CAMK1D: variants seen among roughly 807,000 people sequenced by gnomAD.
CAMK1D encodes the protein calcium/calmodulin dependent protein kinase ID, also known as calcium/calmodulin-dependent protein kinase type 1D.
CAMK1D carries 9 observed loss-of-function variants against 47.7 expected under a neutral mutation model. The observed-to-expected ratio is 0.19, with a 90% CI of 0.11 to 0.33. CAMK1D has a LOEUF of 0.33. Ranked by LOEUF, CAMK1D falls within the 10% of genes least tolerant of loss-of-function variation. The pLI is 1.00. For synonymous variants in CAMK1D, 184 were observed against 184.9 expected (o/e 0.99, Z 0.04); for missense variants, 291 against 488.7 (o/e 0.60, Z 3.81).
At chr10:12,796,404 C>G (rs772892135) in intron 6 of CAMK1D, among the ~76,000 whole-genome samples, 1 of 152,130 alleles carries the variant, frequency 6.6e-6, no homozygotes, top group Non-Finnish European at 1.5e-5. Context: ...ACATAAATGT[C>G]GATTTGCCTG....
intron 3 of CAMK1D, among the ~76,000 whole-genome samples, chr10:12,718,325 C>T (rs1834236003): frequency 6.6e-6 from 1 of 152,122 alleles, no homozygotes; most frequent in African/African-American, 2.4e-5. Flanking sequence ...CCAGAATTAC[C>T]ACTCACCTTG....
chr10:12,430,896 T>A (rs1260053821), intron 1 of CAMK1D, among the ~76,000 whole-genome samples: 1 of 152,048 alleles, frequency 6.6e-6, no homozygotes, highest in Non-Finnish European at 1.5e-5. Flanking sequence ...ATTACAGGTG[T>A]GCACCACCAC....
intron 2 of CAMK1D, among the ~76,000 whole-genome samples, chr10:12,662,076 A>G (rs1000877557): frequency 6.6e-6 from 1 of 152,204 alleles, no homozygotes; most frequent in African/African-American, 2.4e-5. Flanking sequence ...GATTAACGTC[A>G]TGGTTATCTT....
chr10:12,350,571 GCT>G (rs111805038), intron 1 of CAMK1D, among the ~76,000 whole-genome samples: 78,168 of 151,990 alleles, frequency 0.51, 20,659 homozygotes, highest in Non-Finnish European at 0.58. Flanking sequence ...CGCGGGCGGT[GCT>G]CTCTCCGGGC....
chr10:12,626,220 A>G (rs1363597237), intron 2 of CAMK1D, among the ~76,000 whole-genome samples: 1 of 152,124 alleles, frequency 6.6e-6, no homozygotes, highest in African/African-American at 2.4e-5. Flanking sequence ...TGCATTTAAC[A>G]ATACAAATAA....
At chr10:12,366,510 T>A (rs888217491) in intron 1 of CAMK1D, among the ~76,000 whole-genome samples, 2 of 145,456 alleles carry the variant, frequency 1.4e-5, no homozygotes, top group African/African-American at 2.5e-5. Context: ...AAAAAAAAAA[T>A]TAGCCAGGCC....
At chr10:12,361,028 A>G (rs1019286191) in intron 1 of CAMK1D, among the ~76,000 whole-genome samples, 3 of 152,184 alleles carry the variant, frequency 2.0e-5, no homozygotes, top group Non-Finnish European at 2.9e-5. Flanking sequence ...ACAAGCTTTC[A>G]ATGATCTCTT....
intron 1 of CAMK1D, among the ~76,000 whole-genome samples, chr10:12,464,802 G>A (rs1833542853): frequency 7.4e-6 from 1 of 135,238 alleles, no homozygotes; most frequent in Non-Finnish European, 1.6e-5. Context: ...GTGACAGAGC[G>A]AGACTCCATC....
intron 1 of CAMK1D, among the ~76,000 whole-genome samples, chr10:12,466,076 G>T (rs1335537064): frequency 6.6e-6 from 1 of 152,164 alleles, no homozygotes; most frequent in Admixed American, 6.6e-5. Context: ...CCAGCTGCTT[G>T]GGAGGTTGAG....
At chr10:12,409,439 C>G (rs934833691) in intron 1 of CAMK1D, among the ~76,000 whole-genome samples, 1 of 152,204 alleles carries the variant, frequency 6.6e-6, no homozygotes, top group Non-Finnish European at 1.5e-5. Context: ...GCCCCCAGTG[C>G]TACTTGAAAT....
At chr10:12,357,085 A>G (rs1837540149) in intron 1 of CAMK1D, among the ~76,000 whole-genome samples, 1 of 152,024 alleles carries the variant, frequency 6.6e-6, no homozygotes, top group Non-Finnish European at 1.5e-5. Context: ...CTCCTCTGGG[A>G]GGGCTTAGGC....
intron 2 of CAMK1D, among the ~76,000 whole-genome samples, chr10:12,564,212 G>A (rs1837053506): frequency 6.8e-6 from 1 of 146,152 alleles, no homozygotes; most frequent in African/African-American, 2.6e-5. Context: ...AGTCAGAATA[G>A]CTTACATTGG....
At chr10:12,375,890 C>T (rs999837645) in intron 1 of CAMK1D, among the ~76,000 whole-genome samples, 13 of 152,170 alleles carry the variant, frequency 8.5e-5, no homozygotes, top group Non-Finnish European at 1.3e-4. Flanking sequence ...CAGCCGGGCA[C>T]GGTGGCTCAC....
rs1291708180 is a variant in CAMK1D, at chr10:12,827,472, G to GTCTGTCTTTCTTTCTT, written c.1040-1294_1040-1293insGTCTTTCTTTCTTTCT. ...CTTTCTTTTCTTTCTTTGTCTGTCT[G>GTCTGTCTTTCTTTCTT]TCTTTCTTTCTTTCTTTCTTTCTTT... On this transcript the variant is annotated intron_variant, in intron 10 of 10. Transcript: ENST00000619168. 3.1e-3 allele frequency among the ~76,000 whole-genome samples: 16 copies of GTCTGTCTTTCTTTCTT among 5,098 alleles called. 4 individuals are homozygous for GTCTGTCTTTCTTTCTT. The highest frequency in any genetic ancestry group is 0.022 in the South Asian group (1 of 46). 3.3% of individuals were successfully genotyped at this position (5,098 alleles called of 152,430 possible).
intron 1 of CAMK1D, among the ~76,000 whole-genome samples, chr10:12,471,414 G>A (rs2132075796): frequency 6.6e-6 from 1 of 150,910 alleles, no homozygotes; most frequent in South Asian, 2.1e-4. Context: ...GTTTCTTAGT[G>A]GCCAGGGTAG....
chr10:12,597,977 GA>G (rs1399990461), intron 2 of CAMK1D, among the ~76,000 whole-genome samples: 1 of 151,542 alleles, frequency 6.6e-6, no homozygotes, highest in Non-Finnish European at 1.5e-5. Flanking sequence ...GCTTGATAAG[GA>G]AAAAACAACA....
At chr10:12,601,733 A>G (rs1470400698) in intron 2 of CAMK1D, among the ~76,000 whole-genome samples, 1 of 152,206 alleles carries the variant, frequency 6.6e-6, no homozygotes, top group African/African-American at 2.4e-5. Context: ...AAGTGTTGGG[A>G]TTACAGACAT....
intron 1 of CAMK1D, among the ~76,000 whole-genome samples, chr10:12,472,191 C>T (rs1833767349): frequency 6.6e-6 from 1 of 152,150 alleles, no homozygotes; most frequent in African/African-American, 2.4e-5. Flanking sequence ...GGTGTGGGGA[C>T]ACGCTGAGAC....
chr10:12,429,074 A>G (rs915874216), intron 1 of CAMK1D, among the ~76,000 whole-genome samples: 5 of 152,138 alleles, frequency 3.3e-5, no homozygotes, highest in African/African-American at 9.7e-5. Context: ...GAATGGGGGT[A>G]TGGTGTGGCC....
Sources: gnomAD v4.1 joint callset for allele counts (sites outside exome capture counted in the v4.1 genomes callset) on GRCh38, gnomAD v4.1.1 for gene constraint, MANE v1.5 for transcripts, NCBI Gene and HGNC (gene_info 2026-07-23, HGNC 2026-07-21) for gene names.